OR6N1: variants seen among roughly 807,000 people sequenced by gnomAD.
OR6N1 encodes olfactory receptor 6N1.
For missense variants in OR6N1, 394 were observed against 371.7 expected (o/e 1.06, Z -0.49); for synonymous variants, 170 against 150.7 (o/e 1.13, Z -0.94).
chr1:158,825,293 G>T, the OR6N1 span, among the ~76,000 whole-genome samples: 1 of 152,014 alleles, frequency 6.6e-6, no homozygotes, highest in African/African-American at 2.4e-5. Flanking sequence ...CAAAAAATTA[G>T]CCAGGCATGG....
At chr1:158,792,142 A>G in the OR6N1 span, among the ~76,000 whole-genome samples, 1 of 152,162 alleles carries the variant, frequency 6.6e-6, no homozygotes, top group Non-Finnish European at 1.5e-5. Flanking sequence ...TTTTAACATT[A>G]TATAGTAACC....
the OR6N1 span, among the ~76,000 whole-genome samples, chr1:158,807,941 G>A: frequency 1.3e-5 from 2 of 151,942 alleles, no homozygotes; most frequent in East Asian, 3.9e-4. Flanking sequence ...ATTCAGGCAT[G>A]GGTGTGTGCA....
chr1:158,833,760 C>T, the OR6N1 span, among the ~76,000 whole-genome samples: 1 of 152,134 alleles, frequency 6.6e-6, no homozygotes, highest in Non-Finnish European at 1.5e-5. Flanking sequence ...CATTGAAGGA[C>T]ACTTGTAATA....
rs1657277680 is a variant in OR6N1 at position 158,766,549 on chromosome 1, A to C, written c.134T>G (p.Ile45Arg). Residue 45 changes from isoleucine (I) to arginine (R), a missense_variant, in exon 2 of 2, where the codon ATA becomes AGA. By Grantham distance (97) the Ile-to-Arg change is moderately conservative (BLOSUM62 -3). Coordinates refer to ENST00000641846, the MANE Select transcript of OR6N1 (RefSeq NM_001005185.2). ...GGAGTCCAGGCAGACCACCAGGAAT[A>C]TCAGCAGGTTTCCCAACACAGTCAT... Reference protein sequence around the residue: ...YLMTVLGNLLIFLVVCLDSRL... With the variant: ...YLMTVLGNLLRFLVVCLDSRL... The C allele has an allele frequency of 1.2e-6, 2 of 1,614,046 alleles. No individual in the cohort carries two copies. The highest frequency in any genetic ancestry group is 2.2e-5 in the South Asian group (2 of 91,082).
the OR6N1 span, among the ~76,000 whole-genome samples, chr1:158,778,951 G>C: frequency 6.8e-6 from 1 of 146,676 alleles, no homozygotes. Context: ...CCCGGGAGGT[G>C]GAGCTTGCAG....
the OR6N1 span, among the ~76,000 whole-genome samples, chr1:158,790,400 ATT>A: frequency 1.2e-4 from 15 of 129,448 alleles, no homozygotes; most frequent in Non-Finnish European, 1.5e-4. Context: ...TTGATAGGGA[ATT>A]TTTTTTTTTT....
upstream of OR6N1, chr1:158,777,192 A>C (rs755729492): frequency 3.1e-6 from 5 of 1,614,122 alleles, no homozygotes; most frequent in Non-Finnish European, 4.2e-6. Context: ...CACAAGTCCA[A>C]CAAGCAGCAG....
the OR6N1 span, among the ~76,000 whole-genome samples, chr1:158,783,816 A>G: frequency 5.3e-5 from 8 of 152,170 alleles, no homozygotes; most frequent in African/African-American, 1.9e-4. Context: ...TAATTAAGAA[A>G]AGGCTAGGGA....
chr1:158,786,150 A>G, the OR6N1 span, among the ~76,000 whole-genome samples: 1 of 152,124 alleles, frequency 6.6e-6, no homozygotes, highest in African/African-American at 2.4e-5. Flanking sequence ...GGAACACAAA[A>G]CAACCAAATA....
At chr1:158,829,932 A>G in the OR6N1 span, among the ~76,000 whole-genome samples, 1 of 152,152 alleles carries the variant, frequency 6.6e-6, no homozygotes, top group African/African-American at 2.4e-5. Context: ...CCCATTTTTT[A>G]AAAACTATTT....
the OR6N1 span, among the ~76,000 whole-genome samples, chr1:158,783,616 C>A: frequency 0.28 from 42,684 of 152,032 alleles, 6,479 homozygotes; most frequent in South Asian, 0.56. Context: ...CTATTCATTG[C>A]ATCCTGGTCA....
At chr1:158,792,898 C>T in the OR6N1 span, among the ~76,000 whole-genome samples, 1 of 152,194 alleles carries the variant, frequency 6.6e-6, no homozygotes, top group African/African-American at 2.4e-5. Context: ...TTTTCTTCCA[C>T]TTCAGAAACA....
chr1:158,773,761 T>C (rs1657483751), upstream of OR6N1, among the ~76,000 whole-genome samples: 1 of 152,112 alleles, frequency 6.6e-6, no homozygotes. Flanking sequence ...CTAGCACCTC[T>C]TTAAGTGCCT....
chr1:158,785,083 T>C, the OR6N1 span, among the ~76,000 whole-genome samples: 1 of 152,182 alleles, frequency 6.6e-6, no homozygotes, highest in Admixed American at 6.5e-5. Flanking sequence ...TACATACTTA[T>C]TGCCTGACCC....
the OR6N1 span, among the ~76,000 whole-genome samples, chr1:158,838,052 A>G: frequency 2.0e-4 from 31 of 152,066 alleles, 1 homozygote; most frequent in South Asian, 8.3e-4. Flanking sequence ...ATATGTACCA[A>G]TTAACATTGA....
the OR6N1 span, among the ~76,000 whole-genome samples, chr1:158,807,011 A>AAAG: frequency 6.6e-6 from 1 of 151,148 alleles, no homozygotes; most frequent in African/African-American, 2.4e-5. Flanking sequence ...CTCAAAAAAA[A>AAAG]AAAAAAAAAA....
the OR6N1 span, among the ~76,000 whole-genome samples, chr1:158,824,907 A>G: frequency 6.6e-6 from 1 of 152,214 alleles, no homozygotes; most frequent in Non-Finnish European, 1.5e-5. Flanking sequence ...ATAGGACCTG[A>G]AAAAGATTTT....
chr1:158,766,119 A>T lies in OR6N1; in HGVS notation c.564T>A (p.Ala188=). The change falls in exon 2 of 2, where the codon GCT becomes GCA. Residue 188 remains alanine, a synonymous_variant. Coordinates refer to ENST00000641846, the MANE Select transcript of OR6N1 (RefSeq NM_001005185.2). ...GGACATTTATAGACGTATCAGTGCA[A>T]GCCAAACTCAGCACAGGAGGGAAGT... ...FCDFPPVLSL[A]CTDTSINVLV... 6.2e-7 allele frequency: 1 copy of T among 1,614,204 alleles called. No individual in the cohort carries two copies. The highest frequency in any genetic ancestry group is 8.5e-7 in the Non-Finnish European group (1 of 1,180,028).
intron 1 of OR6N1, among the ~76,000 whole-genome samples, chr1:158,770,714 A>G (rs1657403541): frequency 6.6e-6 from 1 of 152,278 alleles, no homozygotes; most frequent in African/African-American, 2.4e-5. Context: ...TGTGTATCAA[A>G]CTTCATATTT....
Sources: allele counts gnomAD v4.1 joint callset (sites outside exome capture counted in the v4.1 genomes callset), GRCh38; gene constraint gnomAD v4.1.1; transcripts MANE v1.5; gene names NCBI Gene and HGNC (gene_info 2026-07-23, HGNC 2026-07-21).